PTPRU: variants seen among roughly 807,000 people sequenced by gnomAD.
The protein encoded by PTPRU is receptor-type tyrosine-protein phosphatase U.
Under a neutral mutation model 166.3 loss-of-function variants are expected in PTPRU, and 69 were observed. That is an observed-to-expected ratio of 0.41 (90% confidence interval 0.34 to 0.51). The LOEUF (loss-of-function observed/expected upper bound fraction) is 0.51, where lower values mean the gene tolerates loss of function less well. PTPRU is among the 20% of genes least tolerant of loss of function. PTPRU has a pLI of 0.09. For missense variants in PTPRU, 1,657 were observed against 2,013.7 expected (o/e 0.82, Z 3.39); for synonymous variants, 793 against 814.0 (o/e 0.97, Z 0.44).
At chr1:29,294,412 T>C (rs967025802) in intron 15 of PTPRU, among the ~76,000 whole-genome samples, 3 of 152,218 alleles carry the variant, frequency 2.0e-5, no homozygotes, top group African/African-American at 7.2e-5. Flanking sequence ...TAATTTTCTA[T>C]TGGGTTTTCT....
chr1:29,304,651 G>A (rs1687297871), intron 16 of PTPRU, 123 bp from the exon 17 acceptor site: 1 of 657,488 alleles, frequency 1.5e-6, no homozygotes, highest in Admixed American at 3.1e-5. Context: ...TCAGGCCCAA[G>A]TTCAGCTTGA....
rs1178610222 is a variant in PTPRU at position 29,237,736 on chromosome 1, G to A, written c.73+1019G>A. Among the ~76,000 whole-genome samples the A allele has an allele frequency of 6.7e-6, 1 of 149,932 alleles. No homozygotes were observed. Among genetic ancestry groups the A allele is most frequent in the East Asian group, 2.0e-4 (1 of 5,094 alleles). ...TTCGCAAGTTCCGCGCGGCGCTGGC[G>A]GGCGGCTGATCCGAGGCGGCGCCGG... On this transcript the variant is annotated intron_variant, in intron 1 of 29. Coordinates refer to ENST00000373779, the MANE Select transcript of PTPRU (RefSeq NM_133178.4). The surrounding 1 kb of genome is among the most constrained non-coding windows in gnomAD (Gnocchi z 6.4).
intron 8 of PTPRU, 52 bp downstream of exon 8, chr1:29,275,808 G>A (rs76920782): frequency 0.13 from 209,313 of 1,568,526 alleles, 24,615 homozygotes; most frequent in East Asian, 0.67. Context: ...CCACAGATAC[G>A]CCATGTCTGA....
chr1:29,248,211 G>T (rs1352124303), intron 1 of PTPRU, among the ~76,000 whole-genome samples: 1 of 152,074 alleles, frequency 6.6e-6, no homozygotes, highest in Non-Finnish European at 1.5e-5. Flanking sequence ...CTTGGGATGG[G>T]GTTCAAATGC....
chr1:29,281,340 G>C (rs868232580), intron 11 of PTPRU, among the ~76,000 whole-genome samples: 1 of 152,348 alleles, frequency 6.6e-6, no homozygotes, highest in East Asian at 1.9e-4. Context: ...CCTGTTGCTA[G>C]AGCCTCAGGG....
chr1:29,237,788 C>T lies in PTPRU; in HGVS notation c.73+1071C>T, dbSNP rs1373148876. On this transcript the variant is annotated intron_variant, in intron 1 of 29. Coordinates refer to ENST00000373779, the MANE Select transcript of PTPRU (RefSeq NM_133178.4). The surrounding 1 kb of genome is among the most constrained non-coding windows in gnomAD (Gnocchi z 6.4). ...GCTGCGGGGCGCCCGGGCCAGCGGG[C>T]CCCAGCGAGGGGCCGGCGGGCGGGC... 2.0e-5 allele frequency among the ~76,000 whole-genome samples: 3 copies of T among 146,764 alleles called. No individual in the cohort carries two copies. Among genetic ancestry groups the T allele is most frequent in the Non-Finnish European group, 4.5e-5 (3 of 66,110 alleles).
intron 1 of PTPRU, among the ~76,000 whole-genome samples, chr1:29,243,086 A>G (rs777316488): frequency 1.3e-5 from 2 of 152,016 alleles, no homozygotes; most frequent in Non-Finnish European, 2.9e-5. Context: ...TTTAATAAAG[A>G]CGGGGTTTCA....
At chr1:29,242,175 A>G (rs1684088687) in intron 1 of PTPRU, among the ~76,000 whole-genome samples, 1 of 152,180 alleles carries the variant, frequency 6.6e-6, no homozygotes, top group South Asian at 2.1e-4. Flanking sequence ...TACAGGTGTG[A>G]GCCACTGTGC....
At position 29,300,407 on chromosome 1, in the gene PTPRU, T is replaced by C. The variant is rs143623555; in HGVS notation, c.2477-3448T>C. The stretch of plus-strand genomic sequence containing the variant: ...GTCTTGCAGGGAAGAAACCTGTTTG[T>C]TTTTGTTTAAACCAGAATTTCACAG... On this transcript the variant is annotated intron_variant, in intron 15 of 29. Transcript: ENST00000373779. Among the ~76,000 whole-genome samples the C allele has an allele frequency of 1.1e-3, 164 of 152,346 alleles. 1 individual carries two copies. The highest frequency in any genetic ancestry group is 3.8e-3 in the African/African-American group (160 of 41,586).
chr1:29,287,132 G>A (rs571535200), intron 14 of PTPRU, among the ~76,000 whole-genome samples: 2 of 152,018 alleles, frequency 1.3e-5, no homozygotes, highest in Non-Finnish European at 2.9e-5. Context: ...AGTCCCAGGG[G>A]GATTATGGGT....
chr1:29,292,043 C>T lies in PTPRU; in HGVS notation c.2476+17C>T, dbSNP rs1574675250. On this transcript the variant is annotated intron_variant, in intron 15 of 29. Transcript: ENST00000373779. ...GCACCCGGGGTGAGTGCCCGGCCCT[C>T]CTACCCCTTCTTCATGGCTCTGGGG... 4.8e-5 allele frequency: 77 copies of T among 1,612,852 alleles called. No individual in the cohort carries two copies. The East Asian group carries it at 1.7e-3, about 36-fold the overall frequency.
rs774799825 is a variant in PTPRU, at chr1:29,317,812, A to G, written c.3578A>G (p.Asn1193Ser). 2.5e-6 allele frequency: 4 copies of G among 1,613,232 alleles called. No individual in the cohort carries two copies. The highest frequency in any genetic ancestry group is 2.5e-6 in the Non-Finnish European group (3 of 1,180,010). ...EECSIALLPR[N>S]RDKNRSMDVL... ...TGCAGCATCGCCCTGTTGCCCCGGA[A>G]CCGCGACAAGAACCGCAGCATGGAC... Residue 1193 changes from asparagine to serine, a missense_variant, in exon 25 of 30, where the codon AAC (asparagine) becomes AGC (serine). Physicochemically the swap from Asn to Ser is conservative, Grantham distance 46 (BLOSUM62 1). Transcript: ENST00000373779. The surrounding 1 kb of genome is among the most constrained non-coding windows in gnomAD (Gnocchi z 5.6).
Position 29,237,116 on chromosome 1 carries a change from G to A in PTPRU, c.73+399G>A, listed in dbSNP as rs1356406991. Among the ~76,000 whole-genome samples the A allele has an allele frequency of 6.6e-6, 1 of 152,128 alleles. No individual in the cohort carries two copies. The highest frequency in any genetic ancestry group is 2.4e-5 in the African/African-American group (1 of 41,422). On this transcript the variant is annotated intron_variant, in intron 1 of 29. Coordinates refer to ENST00000373779, the MANE Select transcript of PTPRU (RefSeq NM_133178.4). This position sits in a 1 kb window ranked among gnomAD's most constrained non-coding sequence, Gnocchi z 6.4. ...GCATTTGTTTGCATTTTGTATGCCT[G>A]GCCGGGAGTGCTGTTTGTTTTGTGT... is the stretch of plus-strand genomic sequence containing the variant.
At position 29,317,828 on chromosome 1, in the gene PTPRU, C is replaced by T; in HGVS notation, c.3594C>T (p.Arg1198=). Reference sequence around the variant, plus strand: ...TGCCCCGGAACCGCGACAAGAACCGCAGCATGGACGTCCTGCCGCCCGACC... The same window carrying T: ...TGCCCCGGAACCGCGACAAGAACCGTAGCATGGACGTCCTGCCGCCCGACC... ...ALLPRNRDKN[R]SMDVLPPDRC... is the part of the protein sequence containing the mutation. Residue 1198 remains arginine (R), a synonymous_variant, in exon 25 of 30, where the codon CGC becomes CGT. Transcript: ENST00000373779. The surrounding 1 kb of genome is among the most constrained non-coding windows in gnomAD (Gnocchi z 5.6). 6.2e-7 allele frequency: 1 copy of T among 1,613,830 alleles called. No homozygotes were observed. The highest frequency in any genetic ancestry group is 2.2e-5 in the East Asian group (1 of 44,882).
chr1:29,283,068 TC>T (rs971500740), intron 12 of PTPRU, 119 bp downstream of exon 12: 25 of 1,397,178 alleles, frequency 1.8e-5, no homozygotes, highest in Non-Finnish European at 2.3e-5. Flanking sequence ...TAGCCCCACC[TC>T]CCATAGCCCC....
chr1:29,277,033 A>G (rs565269031), intron 8 of PTPRU, among the ~76,000 whole-genome samples: 1 of 152,200 alleles, frequency 6.6e-6, no homozygotes, highest in East Asian at 1.9e-4. Flanking sequence ...TATTTCTGTT[A>G]TAATTTCTGC....
chr1:29,256,221 G>T (rs1425477593), intron 2 of PTPRU, among the ~76,000 whole-genome samples: 1 of 152,180 alleles, frequency 6.6e-6, no homozygotes, highest in Non-Finnish European at 1.5e-5. Flanking sequence ...ATGGTTGAGG[G>T]TCTTTGGGGG....
At position 29,286,840 on chromosome 1, in the gene PTPRU, A is replaced by C. The variant is rs116013158; in HGVS notation, c.2318+1971A>C. Among the ~76,000 whole-genome samples, 841 of 152,266 alleles carry C rather than the reference A, an allele frequency of 5.5e-3. 9 individuals are homozygous for C. The highest frequency in any genetic ancestry group is 0.019 in the African/African-American group (803 of 41,550). On this transcript the variant is annotated intron_variant, in intron 14 of 29. Transcript: ENST00000373779. ...CTACCCCATAAACCCAAGTTATCCC[A>C]GATGCCTCCAGGAACCCCTCATCCC...
At chr1:29,322,546 T>C (rs1688205274) in intron 26 of PTPRU, among the ~76,000 whole-genome samples, 1 of 152,038 alleles carries the variant, frequency 6.6e-6, no homozygotes, top group Non-Finnish European at 1.5e-5. Context: ...CTGTGCAGGG[T>C]TCTGAACGCA....
Sources: allele counts gnomAD v4.1 joint callset (sites outside exome capture counted in the v4.1 genomes callset), GRCh38; gene constraint gnomAD v4.1.1; non-coding constraint Gnocchi (gnomAD v3.1); transcripts MANE v1.5; gene names NCBI Gene and HGNC (gene_info 2026-07-23, HGNC 2026-07-21).